The following PHYHIPL variants were observed in gnomAD, a reference collection of about 807,000 sequenced individuals.
PHYHIPL encodes the protein phytanoyl-CoA hydroxylase-interacting protein-like.
A neutral mutation model predicts 33.4 loss-of-function variants in PHYHIPL; 9 were observed. The ratio of observed to expected loss-of-function variants is 0.27; its 90% CI spans 0.16 to 0.47. The LOEUF (loss-of-function observed/expected upper bound fraction) is 0.47. Among genes scored for constraint, PHYHIPL ranks in the 20% least tolerant of loss-of-function variants. The pLI is 0.99. For missense variants in PHYHIPL, 365 were observed against 460.7 expected, an observed-to-expected ratio of 0.79 and a Z score of 1.90; for synonymous variants, 153 against 154.1, an observed-to-expected ratio of 0.99 and a Z score of 0.05.
chr10:59,213,378 C>T (rs140184065), intron 1 of PHYHIPL, among the ~76,000 whole-genome samples: 1 of 152,074 alleles, frequency 6.6e-6, no homozygotes, highest in African/African-American at 2.4e-5. Context: ...TTTTCCTAAC[C>T]AAATCATTCT....
At chr10:59,185,223 C>T (rs1344574718) in intron 1 of PHYHIPL, among the ~76,000 whole-genome samples, 2 of 152,010 alleles carry the variant, frequency 1.3e-5, no homozygotes, top group East Asian at 3.9e-4. Context: ...ATCTCCTGAC[C>T]TCGTGATCCG....
chr10:59,188,736 C>G (rs934677844), intron 1 of PHYHIPL, among the ~76,000 whole-genome samples: 4 of 151,944 alleles, frequency 2.6e-5, no homozygotes, highest in African/African-American at 9.7e-5. Flanking sequence ...TTCTTTGTCT[C>G]TTTTGATCTT....
rs1352741972 is a variant in PHYHIPL at position 59,185,151 on chromosome 10, C to T, written c.106+8192C>T. ...GACTACAGGCGCCCGCCACTACGCC[C>T]GGCTAATTTTTTGTATTTTTAGTAG... On this transcript the variant is annotated intron_variant, in intron 1 of 4. Coordinates refer to ENST00000373880, the MANE Select transcript of PHYHIPL (RefSeq NM_032439.4). 3.6e-3 allele frequency among the ~76,000 whole-genome samples: 541 copies of T among 151,616 alleles called. 4 individuals carry two copies. Among genetic ancestry groups the T allele is most frequent in the African/African-American group, 0.012 (515 of 41,362 alleles).
At chr10:59,200,168 A>G (rs1839055387) in intron 1 of PHYHIPL, among the ~76,000 whole-genome samples, 1 of 152,162 alleles carries the variant, frequency 6.6e-6, no homozygotes, top group South Asian at 2.1e-4. Context: ...GTTTTTGTCC[A>G]TTCAGTATGA....
At chr10:59,198,770 C>T (rs1839002311) in intron 1 of PHYHIPL, among the ~76,000 whole-genome samples, 1 of 152,174 alleles carries the variant, frequency 6.6e-6, no homozygotes, top group African/African-American at 2.4e-5. Context: ...GATGGTATCT[C>T]ATTGTGGTTT....
chr10:59,205,305 GA>G (rs1839255414), intron 1 of PHYHIPL, among the ~76,000 whole-genome samples: 1 of 152,082 alleles, frequency 6.6e-6, no homozygotes, highest in Non-Finnish European at 1.5e-5. Context: ...ATGAACGTGA[GA>G]TTGATTATGT....
rs1189666965 is a variant in PHYHIPL at position 59,176,795 on chromosome 10, C to T, written c.-59C>T. ...CTCCCTTTCCCGCTCTTCTTGCCCA[C>T]CCGGCCGGCAGAGAGAGCCTGGATA... On this transcript the variant is annotated 5_prime_UTR_variant, in exon 1 of 5. Coordinates refer to ENST00000373880, the MANE Select transcript of PHYHIPL (RefSeq NM_032439.4). The T allele has an allele frequency of 1.3e-6, 2 of 1,490,196 alleles. No individual in the cohort carries two copies. The highest frequency in any genetic ancestry group is 9.2e-7 in the Non-Finnish European group (1 of 1,090,976). The allele number at this position is 1,490,196 out of a possible 1,614,324, so 92.3% of individuals were successfully genotyped here. A position where few individuals can be genotyped will look rare whatever the true frequency, so the allele number is the denominator to read the frequency against.
At chr10:59,179,517 C>G (rs1223602772) in intron 1 of PHYHIPL, among the ~76,000 whole-genome samples, 1 of 152,012 alleles carries the variant, frequency 6.6e-6, no homozygotes, top group African/African-American at 2.4e-5. Flanking sequence ...CATTAATTCC[C>G]TGGAAGTGGA....
intron 1 of PHYHIPL, 54 bp from the exon 2 acceptor site, chr10:59,234,250 A>T (rs1840161876): frequency 1.5e-6 from 2 of 1,377,120 alleles, no homozygotes; most frequent in Non-Finnish European, 2.0e-6. Flanking sequence ...ATTGGAAATA[A>T]ATTGGAAAAT....
intron 1 of PHYHIPL, among the ~76,000 whole-genome samples, chr10:59,194,240 C>G (rs927217403): frequency 6.6e-6 from 1 of 151,828 alleles, no homozygotes; most frequent in African/African-American, 2.4e-5. Context: ...CACCACCACA[C>G]CCAGCTAATT....
In PHYHIPL at chr10:59,198,668, C is replaced by G. The variant is rs561009043; in HGVS notation, c.106+21709C>G. 3.1e-4 allele frequency among the ~76,000 whole-genome samples: 47 copies of G among 152,306 alleles called. No individual in the cohort carries two copies. In the East Asian group the frequency reaches 3.5e-3, roughly 11 times the overall value. On this transcript the variant is annotated intron_variant, in intron 1 of 4. Transcript: ENST00000373880. ...ATGGTTGAACTAGTTTACAGTCCCA[C>G]TAACAGTGTAAAAGTGTTCCTATTT...
At chr10:59,238,537 G>T in intron 3 of PHYHIPL, 51 bp from the exon 4 acceptor site, 1 of 996,732 alleles carries the variant, frequency 1.0e-6, no homozygotes, top group East Asian at 2.4e-5. Flanking sequence ...GTATATGGTT[G>T]GTACTTTTGG....
In PHYHIPL at chr10:59,246,817, T is replaced by C; in HGVS notation, c.*1226T>C. On this transcript the variant is annotated 3_prime_UTR_variant, in exon 5 of 5. Coordinates refer to ENST00000373880, the MANE Select transcript of PHYHIPL (RefSeq NM_032439.4). Reference sequence around the variant, plus strand: ...ATCATCTTATAGTAAACCAAAAGATTAGCAATAATACTATGGACACATTAG... The same window carrying C: ...ATCATCTTATAGTAAACCAAAAGATCAGCAATAATACTATGGACACATTAG... 1 of 388,730 alleles carries C rather than the reference T, an allele frequency of 2.6e-6. No homozygotes were observed. Among genetic ancestry groups the C allele is most frequent in the Non-Finnish European group, 4.5e-6 (1 of 219,892 alleles). The allele number at this position is 388,730 out of a possible 1,614,324, so 24.1% of individuals were successfully genotyped here. A position where few individuals can be genotyped will look rare whatever the true frequency, so the allele number is the denominator to read the frequency against.
chr10:59,183,400 C>T (rs1783693632), intron 1 of PHYHIPL, among the ~76,000 whole-genome samples: 1 of 152,096 alleles, frequency 6.6e-6, no homozygotes, highest in Non-Finnish European at 1.5e-5. Flanking sequence ...CTTAAAAAGT[C>T]AGCAATTCTT....
intron 1 of PHYHIPL, among the ~76,000 whole-genome samples, chr10:59,215,246 A>T (rs999980617): frequency 6.6e-6 from 1 of 151,998 alleles, no homozygotes; most frequent in South Asian, 2.1e-4. Flanking sequence ...TAACTTCTAC[A>T]TTGAATCTAC....
chr10:59,231,470 C>A (rs1445842772), intron 1 of PHYHIPL, among the ~76,000 whole-genome samples: 1 of 151,766 alleles, frequency 6.6e-6, no homozygotes, highest in Non-Finnish European at 1.5e-5. Context: ...AGAATTCCAG[C>A]CAAAAACACA....
intron 1 of PHYHIPL, among the ~76,000 whole-genome samples, chr10:59,188,789 C>T (rs1363313126): frequency 1.3e-5 from 2 of 151,932 alleles, no homozygotes; most frequent in Admixed American, 1.3e-4. Context: ...AGATTGCAAC[C>T]CCTGCCTTTT....
At chr10:59,234,968 GTT>G (rs1840181747) in intron 2 of PHYHIPL, among the ~76,000 whole-genome samples, 1 of 151,802 alleles carries the variant, frequency 6.6e-6, no homozygotes, top group Non-Finnish European at 1.5e-5. Context: ...ATTGTTACTA[GTT>G]TCTACAAATT....
At chr10:59,184,218 T>C (rs2133183732) in intron 1 of PHYHIPL, among the ~76,000 whole-genome samples, 1 of 152,314 alleles carries the variant, frequency 6.6e-6, no homozygotes, top group South Asian at 2.1e-4. Flanking sequence ...TATAATTTTA[T>C]TGGAATACAG....
Sources: gnomAD v4.1 joint callset for allele counts (sites outside exome capture counted in the v4.1 genomes callset) on GRCh38, gnomAD v4.1.1 for gene constraint, MANE v1.5 for transcripts, NCBI Gene and HGNC (gene_info 2026-07-23, HGNC 2026-07-21) for gene names.